Variants in TRDN observed in about 807,000 individuals in gnomAD.
TRDN encodes the protein triadin, also known as triadin in skeletal muscle.
TRDN carries 161 observed loss-of-function variants against 149.7 expected under a neutral mutation model. The ratio of observed to expected loss-of-function variants is 1.08; its 90% confidence interval spans 0.95 to 1.23. The LOEUF is 1.23. TRDN is among the 50% of genes most tolerant of loss of function. The pLI is 0.00. For synonymous variants in TRDN, 294 were observed against 250.5 expected, an observed-to-expected ratio of 1.17 and a Z score of -1.64; for missense variants, 896 against 823.5, an observed-to-expected ratio of 1.09 and a Z score of -1.08.
At chr6:123,585,747 T>A (rs999283856) in intron 1 of TRDN, among the ~76,000 whole-genome samples, 35 of 152,182 alleles carry the variant, frequency 2.3e-4, no homozygotes, top group African/African-American at 4.3e-4. Context: ...TTTCTGGCAC[T>A]TGTAGCAAGC....
chr6:123,330,893 T>C lies in TRDN; in HGVS notation c.1471+986A>G, dbSNP rs527929079. On this transcript the variant is annotated intron_variant, in intron 23 of 40. Transcript: ENST00000334268. ...CACTTCCAACCCCAATCCATGCTTA[T>C]GTAAGCTCACCAGAAATCCTTCTCT... Among the ~76,000 whole-genome samples, 203 of 152,124 alleles carry C rather than the reference T, an allele frequency of 1.3e-3. 1 individual carries two copies. Among genetic ancestry groups the C allele is most frequent in the African/African-American group, 4.5e-3 (189 of 41,544 alleles).
chr6:123,600,190 T>TA (rs2114646032), intron 1 of TRDN, among the ~76,000 whole-genome samples: 1 of 152,138 alleles, frequency 6.6e-6, no homozygotes, highest in South Asian at 2.1e-4. Context: ...TTGTGCCCTT[T>TA]TGTGTTACCG....
chr6:123,633,113 C>G (rs1242147994), intron 1 of TRDN, among the ~76,000 whole-genome samples: 1 of 152,020 alleles, frequency 6.6e-6, no homozygotes, highest in Non-Finnish European at 1.5e-5. Flanking sequence ...TGGATATAAG[C>G]TCTTCTAACA....
chr6:123,532,011 G>T (rs763035761), intron 4 of TRDN, among the ~76,000 whole-genome samples: 4 of 151,928 alleles, frequency 2.6e-5, no homozygotes, highest in Non-Finnish European at 4.4e-5. Context: ...AGGGCAAAAT[G>T]AATCCTAGTT....
intron 4 of TRDN, among the ~76,000 whole-genome samples, chr6:123,533,237 TA>T (rs1780336919): frequency 6.6e-6 from 1 of 152,100 alleles, no homozygotes; most frequent in Admixed American, 6.6e-5. Context: ...TTTAGAATAA[TA>T]TTTTTTTTAG....
rs1229881239 is a variant in TRDN, at chr6:123,636,825, C to T, written c.-50G>A. On this transcript the variant is annotated 5_prime_UTR_variant, in exon 1 of 41. It adds an upstream start codon to the 5' untranslated region. Coordinates refer to ENST00000334268, the MANE Select transcript of TRDN (RefSeq NM_006073.4). The stretch of plus-strand genomic sequence containing the variant: ...GTTGAAAAGTTCCCGTCAAGTTGCA[C>T]TTTGCAGAGTATTTGGGGATTTGAG... 9 of 1,609,930 alleles carry T rather than the reference C, an allele frequency of 5.6e-6. No homozygotes were observed. The highest frequency in any genetic ancestry group is 7.6e-6 in the Non-Finnish European group (9 of 1,177,134).
At chr6:123,292,554 A>T (rs1324370445) in intron 24 of TRDN, among the ~76,000 whole-genome samples, 2 of 152,204 alleles carry the variant, frequency 1.3e-5, no homozygotes. Flanking sequence ...CAGAGAGGAA[A>T]AATAGCTCCC....
At chr6:123,263,837 A>G (rs1301395038) in intron 33 of TRDN, among the ~76,000 whole-genome samples, 1 of 152,100 alleles carries the variant, frequency 6.6e-6, no homozygotes, top group African/African-American at 2.4e-5. Flanking sequence ...CTTAAGAATT[A>G]TGCCAAATCT....
intron 12 of TRDN, among the ~76,000 whole-genome samples, chr6:123,402,674 C>G (rs1164974711): frequency 6.6e-6 from 1 of 152,024 alleles, no homozygotes; most frequent in Non-Finnish European, 1.5e-5. Flanking sequence ...CCATGATTGT[C>G]TGGGAAAGGG....
intron 12 of TRDN, among the ~76,000 whole-genome samples, chr6:123,416,736 G>A (rs1161399666): frequency 7.2e-6 from 1 of 138,420 alleles, no homozygotes; most frequent in Admixed American, 8.1e-5. Context: ...GTCTTGCTCT[G>A]TTGCACTCAG....
At chr6:123,270,614 T>G (rs1256602777) in intron 30 of TRDN, among the ~76,000 whole-genome samples, 1 of 151,984 alleles carries the variant, frequency 6.6e-6, no homozygotes, top group African/African-American at 2.4e-5. Flanking sequence ...AGTATGTATC[T>G]TTTCTTTCTC....
At chr6:123,307,528 T>C (rs536742051) in intron 24 of TRDN, among the ~76,000 whole-genome samples, 3 of 152,186 alleles carry the variant, frequency 2.0e-5, no homozygotes, top group African/African-American at 4.8e-5. Flanking sequence ...TCTTCACTTA[T>C]GATTGATGCA....
chr6:123,558,204 A>T (rs1781785441), intron 2 of TRDN, among the ~76,000 whole-genome samples: 1 of 151,884 alleles, frequency 6.6e-6, no homozygotes, highest in South Asian at 2.1e-4. Context: ...CTGTCCCCTC[A>T]GTCCCAACCC....
chr6:123,361,518 T>TA lies in TRDN; in HGVS notation c.1321+4616dup, dbSNP rs372902948. ...ATGTACCCCAGAACTTAAAGTATAA[T>TA]AAAAAAAAAGAGAGAGAGAGAGATG... On this transcript the variant is annotated intron_variant, in intron 20 of 40. Coordinates refer to ENST00000334268, the MANE Select transcript of TRDN (RefSeq NM_006073.4). 3.3e-3 allele frequency among the ~76,000 whole-genome samples: 484 copies of TA among 148,168 alleles called. 1 individual carries two copies. The highest frequency in any genetic ancestry group is 3.8e-3 in the Non-Finnish European group (253 of 66,730).
At chr6:123,492,283 T>C (rs1778254006) in intron 9 of TRDN, among the ~76,000 whole-genome samples, 1 of 152,190 alleles carries the variant, frequency 6.6e-6, no homozygotes, top group African/African-American at 2.4e-5. Flanking sequence ...GGATAAACTT[T>C]AACTTGTATT....
intron 38 of TRDN, among the ~76,000 whole-genome samples, chr6:123,248,201 A>C (rs1776252041): frequency 6.6e-6 from 1 of 152,188 alleles, no homozygotes; most frequent in Non-Finnish European, 1.5e-5. Flanking sequence ...GCAGGAATAT[A>C]AGAAATAAGA....
At chr6:123,586,732 G>C (rs1277434446) in intron 1 of TRDN, among the ~76,000 whole-genome samples, 2 of 152,032 alleles carry the variant, frequency 1.3e-5, no homozygotes, top group Non-Finnish European at 2.9e-5. Flanking sequence ...GGAGAAGAAG[G>C]AGGAATGGAG....
At chr6:123,568,784 C>T (rs1782416714) in intron 2 of TRDN, among the ~76,000 whole-genome samples, 1 of 152,222 alleles carries the variant, frequency 6.6e-6, no homozygotes, top group Admixed American at 6.5e-5. Context: ...AACTCCTAGA[C>T]ATCTGGGCCT....
intron 7 of TRDN, among the ~76,000 whole-genome samples, chr6:123,509,211 A>G (rs1328354842): frequency 6.6e-6 from 1 of 151,878 alleles, no homozygotes; most frequent in South Asian, 2.1e-4. Context: ...CCTCCCCCAG[A>G]AGAATGACGT....
Sources: allele counts gnomAD v4.1 joint callset (sites outside exome capture counted in the v4.1 genomes callset), GRCh38; gene constraint gnomAD v4.1.1; transcripts MANE v1.5; gene names NCBI Gene and HGNC (gene_info 2026-07-23, HGNC 2026-07-21).